Variants in KANSL1 observed in about 807,000 individuals in gnomAD.
KANSL1 encodes the protein KAT8 regulatory NSL complex subunit 1, also known as MLL1/MLL complex subunit KANSL1.
A neutral mutation model predicts 103.6 loss-of-function variants in KANSL1; 22 were observed. The ratio of observed to expected loss-of-function variants is 0.21; its 90% CI spans 0.15 to 0.30. The LOEUF (loss-of-function observed/expected upper bound fraction) is 0.30. KANSL1 is among the 10% of genes least tolerant of loss of function. KANSL1 has a pLI of 1.00. For missense variants in KANSL1, 1,337 were observed against 1,399.8 expected (o/e 0.96, Z 0.72); for synonymous variants, 600 against 527.6 (o/e 1.14, Z -1.88).
intron 2 of KANSL1, among the ~76,000 whole-genome samples, chr17:46,167,448 T>C (rs1454245218): frequency 1.3e-5 from 2 of 152,256 alleles, no homozygotes; most frequent in Non-Finnish European, 1.5e-5. Context: ...CTTAATCCCA[T>C]AATCAAGGAG....
intron 2 of KANSL1, among the ~76,000 whole-genome samples, chr17:46,096,156 G>C (rs1462878645): frequency 9.5e-6 from 1 of 105,816 alleles, no homozygotes; most frequent in South Asian, 2.5e-4. Context: ...TTTTTTTCCT[G>C]AGAGGCAGGG....
chr17:46,111,004 A>G (rs765001852), intron 2 of KANSL1, among the ~76,000 whole-genome samples: 14 of 152,380 alleles, frequency 9.2e-5, no homozygotes, highest in Admixed American at 5.2e-4. Context: ...AGTGAAACAA[A>G]TAACAAGAAC....
intron 1 of KANSL1, chr17:46,221,049 GTTTTT>G (rs565404157): frequency 8.6e-6 from 1 of 116,686 alleles, no homozygotes; most frequent in Non-Finnish European, 1.8e-5. Context: ...TTTTTCTCCT[GTTTTT>G]TTTTTTCCAA....
intron 4 of KANSL1, among the ~76,000 whole-genome samples, chr17:46,071,986 C>CCCCCCCCCCCCCCCCG (rs754370743): frequency 2.8e-5 from 4 of 142,658 alleles, no homozygotes; most frequent in Admixed American, 6.9e-5. Context: ...CCCCCCACCC[C>CCCCCCCCCCCCCCCCG]TCCCCCCGCC....
chr17:46,118,071 C>G (rs937784660), intron 2 of KANSL1, among the ~76,000 whole-genome samples: 1 of 152,200 alleles, frequency 6.6e-6, no homozygotes, highest in African/African-American at 2.4e-5. Flanking sequence ...ACCCCCACCC[C>G]AGAAAAAGTC....
At chr17:46,196,241 GAA>G, upstream of KANSL1, 1 of 443,344 alleles carries the variant, frequency 2.3e-6, no homozygotes, top group South Asian at 1.6e-5. Flanking sequence ...ATCTCAAAAT[GAA>G]AAGTGATAAA....
At chr17:46,186,161 G>C (rs899650868) in intron 1 of KANSL1, among the ~76,000 whole-genome samples, 3 of 151,614 alleles carry the variant, frequency 2.0e-5, no homozygotes, top group Non-Finnish European at 4.4e-5. Context: ...GGATCACAAG[G>C]TCAGGAGATC....
intron 2 of KANSL1, among the ~76,000 whole-genome samples, chr17:46,138,955 C>T (rs1402296556): frequency 6.6e-6 from 1 of 152,214 alleles, no homozygotes; most frequent in African/African-American, 2.4e-5. Flanking sequence ...CACTCAACTA[C>T]CCCCAGTGGC....
chr17:46,127,494 G>C (rs1429913667), intron 2 of KANSL1, among the ~76,000 whole-genome samples: 1 of 152,226 alleles, frequency 6.6e-6, no homozygotes. Flanking sequence ...ACAGTTTTAT[G>C]GGCGTGGTGG....
At chr17:46,070,384 G>C (rs2078532065) in intron 4 of KANSL1, among the ~76,000 whole-genome samples, 1 of 152,128 alleles carries the variant, frequency 6.6e-6, no homozygotes, top group Non-Finnish European at 1.5e-5. Context: ...GACAAAGAGT[G>C]TTACAGTTGT....
Position 46,030,396 on chromosome 17 carries a change from C to G in KANSL1, c.*1080G>C, listed in dbSNP as rs558466127. The G allele has an allele frequency of 1.3e-5, 2 of 152,136 alleles. No homozygotes were observed. Among genetic ancestry groups the G allele is most frequent in the South Asian group, 2.1e-4 (1 of 4,812 alleles). The allele number at this position is 152,136 out of a possible 1,614,324, so 9.4% of individuals were successfully genotyped here. A position where few individuals can be genotyped will look rare whatever the true frequency, so the allele number is the denominator to read the frequency against. Reference sequence around the variant, plus strand: ...CCAAAAAAAAAGAGTCTTCTCCCCCCTCCCCCTTTTTGGTGATGTGATCAT... The same window carrying G: ...CCAAAAAAAAAGAGTCTTCTCCCCCGTCCCCCTTTTTGGTGATGTGATCAT... On this transcript the variant is annotated 3_prime_UTR_variant, in exon 15 of 15. Transcript: ENST00000432791.
chr17:46,117,522 T>C (rs1198470697), intron 2 of KANSL1, among the ~76,000 whole-genome samples: 2 of 152,232 alleles, frequency 1.3e-5, no homozygotes, highest in Non-Finnish European at 2.9e-5. Flanking sequence ...ATGGTGGCAG[T>C]GGCAGGTGGA....
chr17:46,088,996 G>GA (rs111657460), intron 3 of KANSL1, among the ~76,000 whole-genome samples: 21,623 of 151,670 alleles, frequency 0.14, 2,121 homozygotes, highest in Non-Finnish European at 0.22. Context: ...AAGTATGTTA[G>GA]AAAAAAAATG....
intron 1 of KANSL1, 61 bp from the exon 2 acceptor site, chr17:46,172,293 T>A: frequency 1.2e-6 from 1 of 837,054 alleles, no homozygotes; most frequent in Non-Finnish European, 1.8e-6. Flanking sequence ...CATGTATATT[T>A]TTAACAAAAG....
intron 1 of KANSL1, among the ~76,000 whole-genome samples, chr17:46,210,468 G>T (rs1211683201): frequency 4.2e-3 from 2 of 478 alleles, no homozygotes; most frequent in Non-Finnish European, 8.3e-3. Context: ...GTGAGACTCT[G>T]TCTCAAAAAA....
chr17:46,096,311 C>CTTTCTTTCTTTTTTTTTT (rs753073992), intron 2 of KANSL1, among the ~76,000 whole-genome samples: 1 of 76,408 alleles, frequency 1.3e-5, no homozygotes, highest in Non-Finnish European at 2.5e-5. Flanking sequence ...GCTTTTTTTT[C>CTTTCTTTCTTTTTTTTTT]TTTTTTTTTT....
chr17:46,063,013 G>A (rs1420318722), intron 6 of KANSL1, among the ~76,000 whole-genome samples: 2 of 152,178 alleles, frequency 1.3e-5, no homozygotes, highest in Admixed American at 1.3e-4. Flanking sequence ...TCGCACCATT[G>A]CACTCCAGCC....
intron 4 of KANSL1, among the ~76,000 whole-genome samples, chr17:46,072,152 A>G: frequency 6.6e-6 from 1 of 152,130 alleles, no homozygotes; most frequent in South Asian, 2.1e-4. Flanking sequence ...AGCTAAAACT[A>G]AATAGTTTTT....
At chr17:46,155,045 A>T (rs1324536132) in intron 2 of KANSL1, among the ~76,000 whole-genome samples, 1 of 152,172 alleles carries the variant, frequency 6.6e-6, no homozygotes, top group Non-Finnish European at 1.5e-5. Context: ...ATAGTAAGTG[A>T]AATAACTATA....
Sources: allele counts gnomAD v4.1 joint callset (sites outside exome capture counted in the v4.1 genomes callset), GRCh38; gene constraint gnomAD v4.1.1; transcripts MANE v1.5; gene names NCBI Gene and HGNC (gene_info 2026-07-23, HGNC 2026-07-21).